MGAT4C: variants seen among roughly 807,000 people sequenced by gnomAD.
The protein encoded by MGAT4C is MGAT4 family member C, also known as alpha-1,3-mannosyl-glycoprotein 4-beta-N-acetylglucosaminyltransferase C.
In MGAT4C, 19 loss-of-function variants were observed where a neutral mutation model predicts 40.1. That is an observed-to-expected ratio of 0.47 (90% CI 0.33 to 0.70). The LOEUF is 0.70. MGAT4C is among the 30% of genes least tolerant of loss of function. MGAT4C has a pLI of 0.02. For missense variants in MGAT4C, 491 were observed against 563.2 expected (o/e 0.87, Z 1.30); for synonymous variants, 181 against 187.1 (o/e 0.97, Z 0.27).
chr12:86,558,895 A>T (rs1467904473), intron 2 of MGAT4C, among the ~76,000 whole-genome samples: 1 of 151,982 alleles, frequency 6.6e-6, no homozygotes, highest in African/African-American at 2.4e-5. Flanking sequence ...ACTGTAAACA[A>T]ATCCAATTTT....
At chr12:86,340,182 A>C (rs1335489859) in intron 3 of MGAT4C, among the ~76,000 whole-genome samples, 1 of 152,226 alleles carries the variant, frequency 6.6e-6, no homozygotes, top group Admixed American at 6.5e-5. Context: ...GTCAGATATT[A>C]AGTAAATCAT....
chr12:86,159,306 T>A (rs1885328002), intron 1 of MGAT4C, among the ~76,000 whole-genome samples: 1 of 152,108 alleles, frequency 6.6e-6, no homozygotes, highest in Admixed American at 6.6e-5. Context: ...TTGATTTTTT[T>A]ATGCAGTGAA....
chr12:86,725,847 A>G (rs999960335), intron 2 of MGAT4C, among the ~76,000 whole-genome samples: 2 of 152,218 alleles, frequency 1.3e-5, no homozygotes, highest in Admixed American at 6.5e-5. Flanking sequence ...ACGACTTTAT[A>G]GTAAGATGCT....
chr12:86,226,671 A>G (rs1211028429), intron 1 of MGAT4C, among the ~76,000 whole-genome samples: 1 of 151,942 alleles, frequency 6.6e-6, no homozygotes, highest in Non-Finnish European at 1.5e-5. Context: ...GTCATGAAGT[A>G]GAGGAATCAT....
At chr12:86,532,582 G>A (rs1959003473) in intron 2 of MGAT4C, among the ~76,000 whole-genome samples, 1 of 151,968 alleles carries the variant, frequency 6.6e-6, no homozygotes, top group Non-Finnish European at 1.5e-5. Context: ...TAGTCCAATT[G>A]TATTTGCCAA....
At chr12:86,310,784 T>C (rs1477927746) in intron 4 of MGAT4C, among the ~76,000 whole-genome samples, 1 of 151,938 alleles carries the variant, frequency 6.6e-6, no homozygotes, top group African/African-American at 2.4e-5. Flanking sequence ...ATTAGCCAGG[T>C]ATGGTGGCAT....
intron 2 of MGAT4C, among the ~76,000 whole-genome samples, chr12:86,001,287 GT>G (rs781443458): frequency 2.0e-5 from 3 of 152,056 alleles, no homozygotes; most frequent in Non-Finnish European, 4.4e-5. Flanking sequence ...ACTTGTCTTT[GT>G]TGTATTCAGC....
At chr12:86,808,331 G>A (rs1952403800) in intron 1 of MGAT4C, among the ~76,000 whole-genome samples, 2 of 151,924 alleles carry the variant, frequency 1.3e-5, no homozygotes, top group Non-Finnish European at 2.9e-5. Context: ...AACAAAAAAG[G>A]AAAACTTCAG....
chr12:85,994,280 A>G (rs1050576958), intron 2 of MGAT4C, among the ~76,000 whole-genome samples: 1 of 152,216 alleles, frequency 6.6e-6, no homozygotes, highest in South Asian at 2.1e-4. Flanking sequence ...GCAAATTGTA[A>G]TCCTCTCAAA....
At chr12:86,441,283 AC>A (rs1957221825) in intron 2 of MGAT4C, among the ~76,000 whole-genome samples, 1 of 151,918 alleles carries the variant, frequency 6.6e-6, no homozygotes, top group Admixed American at 6.6e-5. Flanking sequence ...GACCAATGCA[AC>A]AAAATAGAGA....
At chr12:86,665,170 G>A (rs1964072290) in intron 2 of MGAT4C, among the ~76,000 whole-genome samples, 1 of 151,946 alleles carries the variant, frequency 6.6e-6, no homozygotes, top group African/African-American at 2.4e-5. Context: ...GTTAACAATA[G>A]GATCAGCCCA....
At chr12:86,409,360 T>C (rs567822691) in intron 3 of MGAT4C, among the ~76,000 whole-genome samples, 34 of 152,302 alleles carry the variant, frequency 2.2e-4, no homozygotes, top group African/African-American at 7.2e-4. Context: ...TTGGCATTTA[T>C]AGAAGCTGTG....
intron 2 of MGAT4C, among the ~76,000 whole-genome samples, chr12:86,043,209 A>G (rs1444527031): frequency 1.3e-5 from 2 of 152,220 alleles, no homozygotes; most frequent in African/African-American, 4.8e-5. Context: ...AGATGTATAT[A>G]TAAAAGGGAG....
intron 2 of MGAT4C, among the ~76,000 whole-genome samples, chr12:86,437,492 A>C (rs944101894): frequency 6.6e-6 from 1 of 151,900 alleles, no homozygotes; most frequent in Admixed American, 6.6e-5. Context: ...ATCATAACAT[A>C]TCATATTAGT....
intron 1 of MGAT4C, among the ~76,000 whole-genome samples, chr12:86,815,083 T>C (rs1434671149): frequency 1.3e-5 from 2 of 152,022 alleles, no homozygotes; most frequent in African/African-American, 2.4e-5. Flanking sequence ...AAGGTAACGA[T>C]CATATTGTTA....
In MGAT4C at chr12:86,306,242, C is replaced by T. The variant is rs12315462; in HGVS notation, c.-57+27823G>A. Among the ~76,000 whole-genome samples, 1,273 of 150,494 alleles carry T rather than the reference C, an allele frequency of 8.5e-3. 128 individuals are homozygous for T. The highest frequency in any genetic ancestry group is 0.031 in the African/African-American group (1,222 of 40,014). ...CAAGAGAAACAGAAACATAGGTCTA[C>T]ACACACTTATCAAGAAAGTTAATAG... On this transcript the variant is annotated intron_variant, in intron 4 of 7. Transcript: ENST00000548651.
chr12:86,258,372 T>C (rs1421853178), upstream of MGAT4C, among the ~76,000 whole-genome samples: 2 of 152,080 alleles, frequency 1.3e-5, no homozygotes, highest in East Asian at 3.8e-4. Flanking sequence ...ATGTATTTTC[T>C]GGTGATTTTA....
intron 1 of MGAT4C, among the ~76,000 whole-genome samples, chr12:86,062,260 T>A (rs1177677279): frequency 6.6e-6 from 1 of 151,968 alleles, no homozygotes; most frequent in Non-Finnish European, 1.5e-5. Context: ...TCCAGCAAAC[T>A]CCAGCAGACC....
chr12:86,373,754 A>C (rs1955767893), intron 3 of MGAT4C, among the ~76,000 whole-genome samples: 2 of 151,932 alleles, frequency 1.3e-5, no homozygotes. Context: ...GAAGGGGTCA[A>C]TAGGCAAAAG....
Sources: allele counts gnomAD v4.1 joint callset (sites outside exome capture counted in the v4.1 genomes callset), GRCh38; gene constraint gnomAD v4.1.1; transcripts MANE v1.5; gene names NCBI Gene and HGNC (gene_info 2026-07-23, HGNC 2026-07-21).